The following PRKG1 variants were observed in gnomAD, a reference collection of about 807,000 sequenced individuals.
The protein encoded by PRKG1 is cGMP-dependent protein kinase 1.
A neutral mutation model predicts 88.1 loss-of-function variants in PRKG1; 35 were observed. The observed-to-expected ratio is 0.40, with a 90% CI of 0.30 to 0.53. The LOEUF (loss-of-function observed/expected upper bound fraction) is 0.53, where lower values mean the gene tolerates loss of function less well. Ranked by LOEUF, PRKG1 falls within the 20% of genes least tolerant of loss-of-function variation. The pLI, the probability that PRKG1 is intolerant of heterozygous loss-of-function variation, is 0.59. For missense variants in PRKG1, 540 were observed against 839.8 expected, an observed-to-expected ratio of 0.64 and a Z score of 4.41; for synonymous variants, 303 against 292.5, an observed-to-expected ratio of 1.04 and a Z score of -0.37.
At chr10:51,353,651 T>C (rs1200243186) in intron 2 of PRKG1, among the ~76,000 whole-genome samples, 1 of 152,134 alleles carries the variant, frequency 6.6e-6, no homozygotes, top group African/African-American at 2.4e-5. Context: ...CAATAACAAA[T>C]GCTGGCGAGG....
At chr10:52,080,477 TA>T (rs924589902) in intron 7 of PRKG1, among the ~76,000 whole-genome samples, 2 of 152,200 alleles carry the variant, frequency 1.3e-5, no homozygotes, top group Non-Finnish European at 2.9e-5. Flanking sequence ...AAGATGGTAA[TA>T]TTTTTTTCTC....
At chr10:51,470,514 T>C (rs1840022899) in intron 3 of PRKG1, among the ~76,000 whole-genome samples, 3 of 151,970 alleles carry the variant, frequency 2.0e-5, no homozygotes, top group Admixed American at 6.6e-5. Flanking sequence ...CTATTTTCCT[T>C]GATTAGCCTG....
intron 2 of PRKG1, among the ~76,000 whole-genome samples, chr10:51,372,735 C>T (rs988773510): frequency 6.6e-6 from 1 of 152,076 alleles, no homozygotes; most frequent in Non-Finnish European, 1.5e-5. Flanking sequence ...TGAAAAATCA[C>T]AAATTGAGAT....
At position 51,127,732 on chromosome 10, in the gene PRKG1, G is replaced by C. The variant is rs546473947; in HGVS notation, c.312-25432G>C. 3.3e-5 allele frequency among the ~76,000 whole-genome samples: 5 copies of C among 152,280 alleles called. No homozygotes were observed. In the South Asian group the frequency reaches 1.0e-3, roughly 32 times the overall value. On this transcript the variant is annotated intron_variant, in intron 1 of 17. Coordinates refer to ENST00000373980, the MANE Select transcript of PRKG1 (RefSeq NM_006258.4). Reference sequence around the variant, plus strand: ...CCAAATGCCCACCAAGGATAGACTGGATAAAGAAAATGTGGTACATATACA... The same window carrying C: ...CCAAATGCCCACCAAGGATAGACTGCATAAAGAAAATGTGGTACATATACA...
intron 3 of PRKG1, among the ~76,000 whole-genome samples, chr10:51,570,523 G>T (rs1027993401): frequency 1.3e-5 from 2 of 151,812 alleles, no homozygotes; most frequent in African/African-American, 4.8e-5. Context: ...GGCAGAAGTG[G>T]AAGAAAATCC....
chr10:51,604,939 C>T (rs1838719571), intron 3 of PRKG1, among the ~76,000 whole-genome samples: 1 of 152,290 alleles, frequency 6.6e-6, no homozygotes, highest in South Asian at 2.1e-4. Flanking sequence ...GAGTTCTTGC[C>T]CAATGTACTG....
At chr10:51,423,877 TA>T (rs1397622006) in intron 2 of PRKG1, among the ~76,000 whole-genome samples, 1 of 152,090 alleles carries the variant, frequency 6.6e-6, no homozygotes, top group African/African-American at 2.4e-5. Context: ...TTACTTAGGG[TA>T]AAAATAGGGC....
chr10:51,588,174 A>G (rs1922128), intron 3 of PRKG1, among the ~76,000 whole-genome samples: 140,951 of 152,256 alleles, frequency 0.93, 65,329 homozygotes, highest in East Asian at 1. Context: ...ATCCTAATGT[A>G]TGTTAGCCAT....
At chr10:51,771,636 T>C (rs746489298) in intron 3 of PRKG1, among the ~76,000 whole-genome samples, 3 of 152,192 alleles carry the variant, frequency 2.0e-5, no homozygotes, top group Non-Finnish European at 4.4e-5. Context: ...TTATATAACA[T>C]CATTAAATAA....
At chr10:51,191,564 T>G (rs554268528) in intron 2 of PRKG1, among the ~76,000 whole-genome samples, 5 of 151,906 alleles carry the variant, frequency 3.3e-5, no homozygotes, top group Non-Finnish European at 7.4e-5. Context: ...TGATGATTAT[T>G]ATTATGATGA....
chr10:51,985,049 A>G (rs1844117998), intron 5 of PRKG1, among the ~76,000 whole-genome samples: 1 of 152,192 alleles, frequency 6.6e-6, no homozygotes, highest in Non-Finnish European at 1.5e-5. Flanking sequence ...TATAAATACC[A>G]TAGGACATAT....
intron 5 of PRKG1, among the ~76,000 whole-genome samples, chr10:51,935,444 C>A (rs11000193): frequency 0.11 from 17,223 of 152,014 alleles, 1,221 homozygotes; most frequent in East Asian, 0.3. Context: ...TACCGAACTC[C>A]TACAACTGGA....
At chr10:51,004,191 C>T (rs112145369) in intron 1 of PRKG1, among the ~76,000 whole-genome samples, 96 of 152,220 alleles carry the variant, frequency 6.3e-4, no homozygotes, top group Non-Finnish European at 1.1e-3. Flanking sequence ...TGGCCGGGCA[C>T]GGTGGCTCAT....
chr10:51,102,507 A>G (rs1276977540), intron 1 of PRKG1, among the ~76,000 whole-genome samples: 1 of 152,160 alleles, frequency 6.6e-6, no homozygotes, highest in Non-Finnish European at 1.5e-5. Context: ...ATGGAAGTTC[A>G]TAAGTGAATT....
intron 2 of PRKG1, among the ~76,000 whole-genome samples, chr10:51,224,018 A>G (rs1296474695): frequency 2.0e-5 from 3 of 152,296 alleles, no homozygotes; most frequent in Admixed American, 6.5e-5. Context: ...ATCTTTGTGT[A>G]AAAAAGAAGC....
intron 2 of PRKG1, among the ~76,000 whole-genome samples, chr10:51,276,300 T>G (rs904323208): frequency 6.6e-6 from 1 of 152,212 alleles, no homozygotes; most frequent in Non-Finnish European, 1.5e-5. Context: ...GAACTCATCC[T>G]TTTTTATGGC....
intron 2 of PRKG1, among the ~76,000 whole-genome samples, chr10:51,159,251 A>T (rs946648920): frequency 6.6e-6 from 1 of 152,162 alleles, no homozygotes; most frequent in African/African-American, 2.4e-5. Context: ...GTCAGATGGC[A>T]TTCAGAACAC....
At chr10:52,105,666 C>T (rs372538655) in intron 7 of PRKG1, among the ~76,000 whole-genome samples, 4 of 151,750 alleles carry the variant, frequency 2.6e-5, no homozygotes, top group South Asian at 4.2e-4. Flanking sequence ...AGTGCAGGTT[C>T]GTTACGTAAG....
chr10:51,546,055 TA>T (rs1429524772), intron 3 of PRKG1, among the ~76,000 whole-genome samples: 279 of 69,238 alleles, frequency 4.0e-3, no homozygotes, highest in African/African-American at 0.01. Flanking sequence ...GATCTACAGG[TA>T]TTTTTTTTTT....
Sources: gnomAD v4.1 joint callset for allele counts (sites outside exome capture counted in the v4.1 genomes callset) on GRCh38, gnomAD v4.1.1 for gene constraint, MANE v1.5 for transcripts, NCBI Gene and HGNC (gene_info 2026-07-23, HGNC 2026-07-21) for gene names.